The following GPHN variants were observed in gnomAD, a reference collection of about 807,000 sequenced individuals.
GPHN encodes the protein gephyrin.
A neutral mutation model predicts 95.5 loss-of-function variants in GPHN; 17 were observed. The ratio of observed to expected loss-of-function variants is 0.18; its 90% CI spans 0.12 to 0.27. GPHN has a LOEUF of 0.27. GPHN is among the 10% of genes least tolerant of loss of function. The probability of loss-of-function intolerance (pLI) is 1.00; values close to 1 mark genes in which losing one functional copy is unlikely to be tolerated. For missense variants in GPHN, 660 were observed against 978.1 expected, an observed-to-expected ratio of 0.67 and a Z score of 4.34; for synonymous variants, 320 against 322.5, an observed-to-expected ratio of 0.99 and a Z score of 0.08.
chr14:67,552,482 G>T, the GPHN span, among the ~76,000 whole-genome samples: 2 of 152,178 alleles, frequency 1.3e-5, no homozygotes, highest in African/African-American at 2.4e-5. Flanking sequence ...GGATAAGAAG[G>T]ACTGGCTGGG....
intron 3 of GPHN, among the ~76,000 whole-genome samples, chr14:66,799,094 T>G (rs899316822): frequency 9.2e-5 from 14 of 152,046 alleles, no homozygotes; most frequent in South Asian, 2.1e-4. Flanking sequence ...AGGAGCATAT[T>G]GTTTAATTTC....
the GPHN span, chr14:67,340,338 T>C: frequency 3.2e-6 from 3 of 928,804 alleles, no homozygotes; most frequent in Middle Eastern, 2.2e-4. Context: ...AAACATAAGC[T>C]GTGCTAATTC....
the GPHN span, among the ~76,000 whole-genome samples, chr14:67,206,939 A>C: frequency 6.6e-6 from 1 of 152,236 alleles, no homozygotes; most frequent in East Asian, 1.9e-4. Flanking sequence ...CATGTTGCCC[A>C]AGCTGGTCTC....
the GPHN span, among the ~76,000 whole-genome samples, chr14:67,465,087 C>T: frequency 6.6e-6 from 1 of 152,196 alleles, no homozygotes; most frequent in African/African-American, 2.4e-5. Context: ...GAATGGATGA[C>T]CAAAGTCAGC....
intron 8 of GPHN, among the ~76,000 whole-genome samples, chr14:66,930,059 T>C (rs534998847): frequency 9.2e-5 from 14 of 152,284 alleles, no homozygotes; most frequent in African/African-American, 3.1e-4. Context: ...GACCAACAGA[T>C]TGTTAGGTCT....
rs1343356973 is a variant in GPHN at position 67,111,898 on chromosome 14, C to T, written c.1451C>T (p.Ala484Val). Residue 484 changes from alanine (A) to valine (V), a missense_variant, in exon 15 of 23, where the codon GCT becomes GTT. Physicochemically the swap from Ala to Val is moderately conservative, Grantham distance 64. Coordinates refer to ENST00000478722, the MANE Select transcript of GPHN (RefSeq NM_020806.5). ...EELEVRILVQ[A>V]RPGQDIRPIG... is the part of the protein sequence containing the mutation. ...CTTGAAGTGCGAATTCTGGTGCAAGCTCGGCCAGGCCAAGATATCAGGTAA... is the reference window on the plus strand; with the variant it reads ...CTTGAAGTGCGAATTCTGGTGCAAGTTCGGCCAGGCCAAGATATCAGGTAA... The T allele has an allele frequency of 1.9e-6, 3 of 1,612,896 alleles. No homozygotes were observed. The highest frequency in any genetic ancestry group is 2.5e-6 in the Non-Finnish European group (3 of 1,178,926).
At chr14:67,374,574 T>C in the GPHN span, 1 of 1,451,010 alleles carries the variant, frequency 6.9e-7, no homozygotes, top group East Asian at 2.3e-5. Context: ...GTCAAATTAG[T>C]CCACTATCTG....
intron 9 of GPHN, among the ~76,000 whole-genome samples, chr14:66,984,726 T>C (rs2070902401): frequency 6.6e-6 from 1 of 152,132 alleles, no homozygotes; most frequent in Non-Finnish European, 1.5e-5. Context: ...TATCTCCTAA[T>C]ATAAGCAGGA....
chr14:66,920,631 G>A (rs1336427083), intron 6 of GPHN, among the ~76,000 whole-genome samples: 1 of 149,812 alleles, frequency 6.7e-6, no homozygotes, highest in Non-Finnish European at 1.5e-5. Context: ...GGGTACAGGT[G>A]GTATTTGCTT....
At chr14:66,690,842 T>C (rs2067721613) in intron 2 of GPHN, among the ~76,000 whole-genome samples, 1 of 152,196 alleles carries the variant, frequency 6.6e-6, no homozygotes, top group Admixed American at 6.5e-5. Context: ...GTAAGTACAC[T>C]CTATGAAGGT....
At chr14:67,314,818 T>C in the GPHN span, among the ~76,000 whole-genome samples, 1 of 152,228 alleles carries the variant, frequency 6.6e-6, no homozygotes, top group Non-Finnish European at 1.5e-5. Flanking sequence ...AGGCTGGCCC[T>C]GGTGGCTCAC....
chr14:67,679,881 A>G, the GPHN span, among the ~76,000 whole-genome samples: 1 of 152,222 alleles, frequency 6.6e-6, no homozygotes, highest in Non-Finnish European at 1.5e-5. Context: ...ACAATTTTTA[A>G]AAGTATACTA....
intron 1 of GPHN, among the ~76,000 whole-genome samples, chr14:66,674,264 A>G (rs750006115): frequency 6.6e-6 from 1 of 151,760 alleles, no homozygotes; most frequent in Non-Finnish European, 1.5e-5. Context: ...ACTCCTGGCT[A>G]ATTTTTTGTA....
rs992853894 is a variant in GPHN, at chr14:67,063,541, A to G, written c.1144+4755A>G. Reference sequence around the variant, plus strand: ...CTTGGGCAGTATGGCCATTTTCATGATATTGATTCTTCTATCCATGAGCAT... The same window carrying G: ...CTTGGGCAGTATGGCCATTTTCATGGTATTGATTCTTCTATCCATGAGCAT... On this transcript the variant is annotated intron_variant, in intron 11 of 22. Transcript: ENST00000478722. Among the ~76,000 whole-genome samples, 7 of 152,164 alleles carry G rather than the reference A, an allele frequency of 4.6e-5. 1 individual carries two copies. Among genetic ancestry groups the G allele is most frequent in the South Asian group, 2.1e-4 (1 of 4,824 alleles).
rs71129810 is a variant in GPHN, at chr14:67,144,250, AATATATATATAT to A, written c.1836+827_1836+838del. 2.6e-4 allele frequency among the ~76,000 whole-genome samples: 15 copies of A among 57,772 alleles called. 1 individual carries two copies. In the Admixed American group the frequency reaches 3.6e-3, roughly 14 times the overall value. 37.9% of individuals were successfully genotyped at this position (57,772 alleles called of 152,430 possible). A position where few individuals can be genotyped will look rare whatever the true frequency, so the allele number is the denominator to read the frequency against. ...AGACCCTGTCTTAAAAAAAAAAAAA[AATATATATATAT>A]ATATATATATATATATATATATATA... On this transcript the variant is annotated intron_variant, in intron 18 of 22. Transcript: ENST00000478722.
the GPHN span, chr14:67,733,677 AG>A: frequency 1.1e-5 from 11 of 1,000,488 alleles, no homozygotes; most frequent in Non-Finnish European, 1.6e-5. Flanking sequence ...ATTCTGAGAA[AG>A]GGACCATAAA....
At chr14:66,747,897 G>A (rs2058216583) in intron 2 of GPHN, among the ~76,000 whole-genome samples, 1 of 151,918 alleles carries the variant, frequency 6.6e-6, no homozygotes, top group Admixed American at 6.6e-5. Flanking sequence ...TATTTACTTA[G>A]GTAGTGAACT....
At chr14:67,534,318 C>T in the GPHN span, among the ~76,000 whole-genome samples, 1 of 152,114 alleles carries the variant, frequency 6.6e-6, no homozygotes, top group Non-Finnish European at 1.5e-5. Context: ...GTGGCTTATG[C>T]CTGTAATCCC....
chr14:67,044,748 TC>T (rs2074907991), intron 10 of GPHN, among the ~76,000 whole-genome samples: 1 of 151,892 alleles, frequency 6.6e-6, no homozygotes, highest in Non-Finnish European at 1.5e-5. Flanking sequence ...TTCCTCCTCC[TC>T]CTCCTCCTCC....
Sources: gnomAD v4.1 joint callset for allele counts (sites outside exome capture counted in the v4.1 genomes callset) on GRCh38, gnomAD v4.1.1 for gene constraint, MANE v1.5 for transcripts, NCBI Gene and HGNC (gene_info 2026-07-23, HGNC 2026-07-21) for gene names.